The following PRTG variants were observed in gnomAD, a reference collection of about 807,000 sequenced individuals.
PRTG encodes the protein protogenin, also known as immunoglobulin superfamily, DCC subclass, member 5.
A neutral mutation model predicts 122.5 loss-of-function variants in PRTG; 67 were observed. The ratio of observed to expected loss-of-function variants is 0.55; its 90% CI spans 0.45 to 0.67. The LOEUF is 0.67. PRTG is among the 30% of genes least tolerant of loss of function. PRTG has a pLI of 0.00. For synonymous variants in PRTG, 554 were observed against 501.1 expected, an observed-to-expected ratio of 1.11 and a Z score of -1.41; for missense variants, 1,435 against 1,415.4, an observed-to-expected ratio of 1.01 and a Z score of -0.22.
chr15:55,685,004 A>T (rs1347343739), intron 2 of PRTG, among the ~76,000 whole-genome samples: 1 of 152,118 alleles, frequency 6.6e-6, no homozygotes, highest in African/African-American at 2.4e-5. Context: ...CCATGATCAC[A>T]TTTTGAGGGA....
intron 11 of PRTG, among the ~76,000 whole-genome samples, chr15:55,652,197 G>A (rs896873008): frequency 9.2e-5 from 14 of 152,012 alleles, no homozygotes; most frequent in Non-Finnish European, 1.3e-4. Context: ...AAAAATCGTC[G>A]AATTAGAATA....
In PRTG at chr15:55,680,156, T is replaced by C. The variant is rs773450493; in HGVS notation, c.871A>G (p.Ile291Val). ...TRVLGNGNLMISDVRLQHAGV... is the reference protein window; with the variant it reads ...TRVLGNGNLMVSDVRLQHAGV... Reference sequence around the variant, plus strand: ...GCATGTTGTAGCCTGACATCAGATATCATGAGATTACCATTTCCAAGTACC... The same window carrying C: ...GCATGTTGTAGCCTGACATCAGATACCATGAGATTACCATTTCCAAGTACC... The change falls in exon 6 of 20, where the codon ATA (isoleucine) becomes GTA (valine). Residue 291 changes from isoleucine to valine, a missense_variant. By Grantham distance (29) the Ile-to-Val change is conservative. Transcript: ENST00000389286. 2.5e-6 allele frequency: 4 copies of C among 1,612,300 alleles called. No homozygotes were observed. Among genetic ancestry groups the C allele is most frequent in the Non-Finnish European group, 3.4e-6 (4 of 1,178,432 alleles).
In PRTG at chr15:55,624,499, G is replaced by T; in HGVS notation, c.2936C>A (p.Ser979Tyr). The stretch of plus-strand genomic sequence containing the variant: ...TCCATTCTGTGCCGTCTTGGAAGCA[G>T]ATGATTTCCTAAAACATTGGCAAGA... ...LIYRSKARKS[S>Y]ASKTAQNGTQ... The change falls in exon 18 of 20, where the codon TCT becomes TAT. Residue 979 changes from serine to tyrosine, a missense_variant. By Grantham distance (144) the Ser-to-Tyr change is moderately radical. Coordinates refer to ENST00000389286, the MANE Select transcript of PRTG (RefSeq NM_173814.6). 1 of 1,609,278 alleles carries T rather than the reference G, an allele frequency of 6.2e-7. No individual in the cohort carries two copies. The highest frequency in any genetic ancestry group is 1.1e-5 in the South Asian group (1 of 89,612).
At chr15:55,725,341 T>G (rs1427569083) in intron 2 of PRTG, among the ~76,000 whole-genome samples, 1 of 151,850 alleles carries the variant, frequency 6.6e-6, no homozygotes, top group Non-Finnish European at 1.5e-5. Context: ...CAAAAGCAAC[T>G]AAACACAAAA....
chr15:55,675,866 A>T (rs1334997193), intron 8 of PRTG, among the ~76,000 whole-genome samples, 183 bp from the exon 9 acceptor site: 2 of 152,138 alleles, frequency 1.3e-5, no homozygotes, highest in Non-Finnish European at 2.9e-5. Flanking sequence ...TTCACTACAA[A>T]TTATTAGAGG....
At chr15:55,721,499 A>G (rs1423135822) in intron 2 of PRTG, among the ~76,000 whole-genome samples, 1 of 152,174 alleles carries the variant, frequency 6.6e-6, no homozygotes, top group Non-Finnish European at 1.5e-5. Context: ...ACAACATCAA[A>G]TAGTTTACTA....
At chr15:55,711,374 T>A (rs1401627115) in intron 2 of PRTG, among the ~76,000 whole-genome samples, 1 of 152,200 alleles carries the variant, frequency 6.6e-6, no homozygotes, top group Non-Finnish European at 1.5e-5. Context: ...CTTGCCTCTG[T>A]CTCAAGCTGC....
At chr15:55,738,374 A>C in intron 2 of PRTG, 1 of 631,530 alleles carries the variant, frequency 1.6e-6, no homozygotes, top group Non-Finnish European at 2.8e-6. Context: ...TTTTTCCAAA[A>C]GTGTTTCTGG....
chr15:55,666,367 A>C (rs575793312), intron 11 of PRTG, among the ~76,000 whole-genome samples: 14 of 152,346 alleles, frequency 9.2e-5, no homozygotes, highest in Non-Finnish European at 1.9e-4. Flanking sequence ...AAACAGAGTC[A>C]CATTTAGGGT....
chr15:55,656,290 T>C (rs1015263735), intron 11 of PRTG: 9 of 448,480 alleles, frequency 2.0e-5, no homozygotes, highest in Middle Eastern at 3.3e-4. Flanking sequence ...GCATTTCCAG[T>C]TGAGCTGTTT....
intron 18 of PRTG, among the ~76,000 whole-genome samples, chr15:55,621,954 T>C (rs924032348): frequency 3.9e-5 from 6 of 152,150 alleles, no homozygotes; most frequent in Admixed American, 2.6e-4. Flanking sequence ...CAGATGAGGA[T>C]AAACAAACCA....
intron 11 of PRTG, among the ~76,000 whole-genome samples, chr15:55,641,455 ACTT>A (rs1292990672): frequency 3.3e-5 from 5 of 152,090 alleles, no homozygotes; most frequent in Non-Finnish European, 5.9e-5. Flanking sequence ...TACCACAACC[ACTT>A]CTTCTCCTTT....
At chr15:55,675,468 C>T (rs779469772) in intron 9 of PRTG, 51 bp downstream of exon 9, 3 of 1,298,860 alleles carry the variant, frequency 2.3e-6, no homozygotes, top group Non-Finnish European at 3.2e-6. Context: ...TTGAAATTGA[C>T]AAAACATACG....
At chr15:55,625,362 G>A (rs1231687088) in intron 17 of PRTG, among the ~76,000 whole-genome samples, 8 of 152,026 alleles carry the variant, frequency 5.3e-5, no homozygotes, top group Non-Finnish European at 1.0e-4. Flanking sequence ...TGTTCTCAGC[G>A]ACTCAGGCAT....
At chr15:55,632,600 C>T (rs1044828194) in intron 15 of PRTG, among the ~76,000 whole-genome samples, 1 of 152,198 alleles carries the variant, frequency 6.6e-6, no homozygotes, top group African/African-American at 2.4e-5. Context: ...ATCTCCTTGG[C>T]CTTCTTGCTG....
chr15:55,702,042 T>C (rs1567106581), intron 2 of PRTG, among the ~76,000 whole-genome samples: 1 of 152,160 alleles, frequency 6.6e-6, no homozygotes, highest in African/African-American at 2.4e-5. Flanking sequence ...TGTGTTAAAA[T>C]TCATAGAACT....
At chr15:55,626,447 AT>A (rs1250335388) in intron 17 of PRTG, among the ~76,000 whole-genome samples, 1 of 149,344 alleles carries the variant, frequency 6.7e-6, no homozygotes, top group African/African-American at 2.5e-5. Flanking sequence ...ATTTAAGAAT[AT>A]TGGCATTAGC....
At chr15:55,635,020 G>T (rs775843006) in intron 15 of PRTG, among the ~76,000 whole-genome samples, 5 of 151,594 alleles carry the variant, frequency 3.3e-5, no homozygotes, top group Non-Finnish European at 7.4e-5. Context: ...AGCTTTGTAT[G>T]TGGGGCTTCC....
At chr15:55,708,448 A>G (rs1419058006) in intron 2 of PRTG, among the ~76,000 whole-genome samples, 2 of 151,972 alleles carry the variant, frequency 1.3e-5, no homozygotes, top group East Asian at 3.9e-4. Context: ...CTCTACTAAA[A>G]AATACAAAAA....
Sources: gnomAD v4.1 joint callset for allele counts (sites outside exome capture counted in the v4.1 genomes callset) on GRCh38, gnomAD v4.1.1 for gene constraint, MANE v1.5 for transcripts, NCBI Gene and HGNC (gene_info 2026-07-23, HGNC 2026-07-21) for gene names.